Variants in ADAM10 observed in about 807,000 individuals in gnomAD.
The protein encoded by ADAM10 is ADAM metallopeptidase domain 10.
Under a neutral mutation model 90.1 loss-of-function variants are expected in ADAM10, and 17 were observed. The observed-to-expected ratio is 0.19, with a 90% CI of 0.13 to 0.28. The LOEUF (loss-of-function observed/expected upper bound fraction) is 0.28, where lower values mean the gene tolerates loss of function less well. Among genes scored for constraint, ADAM10 ranks in the 10% least tolerant of loss-of-function variants. The pLI, the probability that ADAM10 is intolerant of heterozygous loss-of-function variation, is 1.00. For missense variants in ADAM10, 610 were observed against 914.3 expected (o/e 0.67, Z 4.29); for synonymous variants, 310 against 298.6 (o/e 1.04, Z -0.40).
chr15:58,720,404 A>ATTTTT (rs879811536), intron 1 of ADAM10, among the ~76,000 whole-genome samples: 10 of 45,252 alleles, frequency 2.2e-4, no homozygotes, highest in East Asian at 7.3e-4. Flanking sequence ...ATTTTATTTT[A>ATTTTT]TTTTTTTTTT....
At chr15:58,717,310 T>C (rs1189861331) in intron 2 of ADAM10, among the ~76,000 whole-genome samples, 1 of 152,190 alleles carries the variant, frequency 6.6e-6, no homozygotes, top group African/African-American at 2.4e-5. Flanking sequence ...GTACACAGAA[T>C]CTTCTTTAAA....
intron 1 of ADAM10, among the ~76,000 whole-genome samples, chr15:58,746,617 A>G (rs180701110): frequency 6.6e-6 from 1 of 152,342 alleles, no homozygotes; most frequent in Admixed American, 6.5e-5. Flanking sequence ...AAATGTCTTA[A>G]GACAAGGAAT....
Position 58,589,733 on chromosome 15 carries a change from T to G in ADAM10, c.*7814A>C, listed in dbSNP as rs1200936319. Reference sequence around the variant, plus strand: ...TGCTATGAGAGAAAGATGTATAAAATTCCAGGGCACAGCAGGTCACATGGA... The same window carrying G: ...TGCTATGAGAGAAAGATGTATAAAAGTCCAGGGCACAGCAGGTCACATGGA... On this transcript the variant is annotated 3_prime_UTR_variant, in exon 16 of 16. Coordinates refer to ENST00000260408, the MANE Select transcript of ADAM10 (RefSeq NM_001110.4). 1.3e-5 allele frequency: 2 copies of G among 152,196 alleles called. No homozygotes were observed. The highest frequency in any genetic ancestry group is 2.9e-5 in the Non-Finnish European group (2 of 68,056). The allele number at this position is 152,196 out of a possible 1,614,324, so 9.4% of individuals were successfully genotyped here. A position where few individuals can be genotyped will look rare whatever the true frequency, so the allele number is the denominator to read the frequency against.
At chr15:58,669,328 C>T (rs578260985) in intron 4 of ADAM10, among the ~76,000 whole-genome samples, 3 of 152,194 alleles carry the variant, frequency 2.0e-5, no homozygotes, top group South Asian at 4.1e-4. Flanking sequence ...TTCCATGCCT[C>T]TCAAAGGTCA....
At chr15:58,687,142 TA>T (rs1231018062) in intron 2 of ADAM10, among the ~76,000 whole-genome samples, 4 of 152,358 alleles carry the variant, frequency 2.6e-5, no homozygotes, top group African/African-American at 9.6e-5. Flanking sequence ...TAGGCTTTAC[TA>T]ATCAACTGAT....
chr15:58,600,220 T>C (rs1340305391), intron 14 of ADAM10, among the ~76,000 whole-genome samples: 3 of 152,232 alleles, frequency 2.0e-5, no homozygotes, highest in African/African-American at 7.2e-5. Flanking sequence ...ATCACACTTA[T>C]GAACTACAAA....
intron 1 of ADAM10, among the ~76,000 whole-genome samples, chr15:58,742,881 G>A (rs1357995439): frequency 6.6e-6 from 1 of 152,078 alleles, no homozygotes; most frequent in Admixed American, 6.6e-5. Flanking sequence ...AACATAGTGA[G>A]ACCTCATCTC....
chr15:58,627,913 C>T (rs200205224), intron 9 of ADAM10, 30 bp from the exon 10 acceptor site: 1 of 1,607,902 alleles, frequency 6.2e-7, no homozygotes. Context: ...GTTACATAAA[C>T]AGGAAGTAAA....
chr15:58,692,543 C>T (rs769084974), intron 2 of ADAM10: 3 of 533,380 alleles, frequency 5.6e-6, no homozygotes, highest in Non-Finnish European at 1.1e-5. Context: ...TTCTCTGGTT[C>T]CTTCTCCAAA....
At chr15:58,686,788 T>G (rs1412587181) in intron 2 of ADAM10, among the ~76,000 whole-genome samples, 5 of 152,142 alleles carry the variant, frequency 3.3e-5, no homozygotes, top group Non-Finnish European at 5.9e-5. Flanking sequence ...TCTACTTGAG[T>G]GAGGAAACTG....
chr15:58,612,583 A>G (rs1895473624), intron 11 of ADAM10, among the ~76,000 whole-genome samples: 1 of 152,058 alleles, frequency 6.6e-6, no homozygotes, highest in Admixed American at 6.5e-5. Flanking sequence ...GGTCTCACAG[A>G]CTTTGGGATA....
At chr15:58,659,222 G>A (rs1452305627) in intron 5 of ADAM10, among the ~76,000 whole-genome samples, 6 of 150,532 alleles carry the variant, frequency 4.0e-5, no homozygotes, top group East Asian at 2.0e-4. Context: ...GCAGTGGGCC[G>A]AGATCACACC....
intron 2 of ADAM10, among the ~76,000 whole-genome samples, chr15:58,689,827 A>T (rs2140768888): frequency 6.6e-6 from 1 of 152,112 alleles, no homozygotes; most frequent in Admixed American, 6.5e-5. Context: ...TTCCACAAGA[A>T]AAATACCAGG....
intron 2 of ADAM10, among the ~76,000 whole-genome samples, chr15:58,690,334 A>G (rs906683153): frequency 2.0e-5 from 3 of 152,186 alleles, no homozygotes; most frequent in Non-Finnish European, 4.4e-5. Context: ...GAAGGTAAAG[A>G]TATTCACACT....
At chr15:58,633,497 A>C in intron 8 of ADAM10, 138 bp from the exon 9 acceptor site, 1 of 750,290 alleles carries the variant, frequency 1.3e-6, no homozygotes, top group East Asian at 2.7e-5. Flanking sequence ...TCACATATGC[A>C]AAAGTTTCTT....
intron 8 of ADAM10, 93 bp downstream of exon 8, chr15:58,640,684 C>T (rs1414825027): frequency 8.3e-7 from 1 of 1,208,088 alleles, no homozygotes; most frequent in Non-Finnish European, 1.2e-6. Context: ...ATACAGGCAT[C>T]ACTTTCTCCT....
chr15:58,653,215 A>C (rs895915653), intron 5 of ADAM10, among the ~76,000 whole-genome samples: 15 of 151,966 alleles, frequency 9.9e-5, no homozygotes, highest in African/African-American at 3.6e-4. Context: ...TATTTCTCTC[A>C]CTTCTCTGAT....
chr15:58,628,686 C>T (rs780807209), intron 9 of ADAM10, among the ~76,000 whole-genome samples: 19 of 152,154 alleles, frequency 1.2e-4, no homozygotes, highest in Non-Finnish European at 2.4e-4. Context: ...ACAACCCTCA[C>T]AATGCCCCTC....
chr15:58,743,007 G>A (rs1200052015), intron 1 of ADAM10, among the ~76,000 whole-genome samples: 1 of 152,074 alleles, frequency 6.6e-6, no homozygotes, highest in Non-Finnish European at 1.5e-5. Flanking sequence ...GCAGTGAGCT[G>A]ACATCACACC....
Sources: gnomAD v4.1 joint callset for allele counts (sites outside exome capture counted in the v4.1 genomes callset) on GRCh38, gnomAD v4.1.1 for gene constraint, MANE v1.5 for transcripts, NCBI Gene and HGNC (gene_info 2026-07-23, HGNC 2026-07-21) for gene names.